Variants in SUFU observed in about 807,000 individuals in gnomAD.
SUFU encodes the protein SUFU negative regulator of hedgehog signaling.
A neutral mutation model predicts 58.9 loss-of-function variants in SUFU; 7 were observed. The ratio of observed to expected loss-of-function variants is 0.12; its 90% CI spans 0.07 to 0.22. The LOEUF (loss-of-function observed/expected upper bound fraction) is 0.22. Ranked by LOEUF, SUFU falls within the 10% of genes least tolerant of loss-of-function variation. The pLI, the probability that SUFU is intolerant of heterozygous loss-of-function variation, is 1.00. For missense variants in SUFU, 451 were observed against 641.3 expected, an observed-to-expected ratio of 0.70 and a Z score of 3.20; for synonymous variants, 232 against 254.8, an observed-to-expected ratio of 0.91 and a Z score of 0.85.
At chr10:102,626,340 G>A (rs1301371724) in intron 10 of SUFU, among the ~76,000 whole-genome samples, 1 of 152,194 alleles carries the variant, frequency 6.6e-6, no homozygotes, top group Non-Finnish European at 1.5e-5. Flanking sequence ...AGAGCCCTTG[G>A]ACGTTGGTAT....
At chr10:102,526,581 G>C (rs548830606) in intron 2 of SUFU, among the ~76,000 whole-genome samples, 1 of 152,148 alleles carries the variant, frequency 6.6e-6, no homozygotes, top group East Asian at 1.9e-4. Flanking sequence ...AAAAAAGCAG[G>C]GATGGTACTC....
chr10:102,606,954 G>T (rs1171226102), intron 8 of SUFU, among the ~76,000 whole-genome samples: 1 of 152,148 alleles, frequency 6.6e-6, no homozygotes, highest in Non-Finnish European at 1.5e-5. Context: ...GTGGGAGCGG[G>T]TTGGAAGGAT....
intron 3 of SUFU, among the ~76,000 whole-genome samples, chr10:102,566,761 T>C (rs1475932332): frequency 1.1e-5 from 1 of 94,680 alleles, no homozygotes; most frequent in Non-Finnish European, 2.1e-5. Flanking sequence ...TGAGACTCTG[T>C]CTCAAAAAAA....
At chr10:102,596,278 A>G (rs1170937860) in intron 6 of SUFU, among the ~76,000 whole-genome samples, 2 of 152,260 alleles carry the variant, frequency 1.3e-5, no homozygotes, top group African/African-American at 4.8e-5. Context: ...TGAGATGCTC[A>G]GTCACAAGCT....
rs903843193 is a variant in SUFU at position 102,577,642 on chromosome 10, C to T, written c.455-14940C>T. Among the ~76,000 whole-genome samples, 5 of 150,360 alleles carry T rather than the reference C, an allele frequency of 3.3e-5. No individual in the cohort carries two copies. In the East Asian group the frequency reaches 1.0e-3, roughly 30 times the overall value. ...GCGTGAGCCACTGCACCCAGCCCTC[C>T]TGGCATTCTTTGGTTGAAATGTATA... On this transcript the variant is annotated intron_variant, in intron 3 of 11. Coordinates refer to ENST00000369902, the MANE Select transcript of SUFU (RefSeq NM_016169.4).
chr10:102,611,089 G>A (rs186704143), intron 8 of SUFU, among the ~76,000 whole-genome samples: 1 of 152,338 alleles, frequency 6.6e-6, no homozygotes, highest in East Asian at 1.9e-4. Context: ...ACTTCTGGAT[G>A]GGACATCAAA....
At chr10:102,512,290 T>G (rs1035914887) in intron 2 of SUFU, among the ~76,000 whole-genome samples, 1 of 152,086 alleles carries the variant, frequency 6.6e-6, no homozygotes, top group Middle Eastern at 3.2e-3. Context: ...ATGTGGGGAG[T>G]AAAGAGACTA....
At chr10:102,613,348 C>CAG (rs1381927039) in intron 8 of SUFU, among the ~76,000 whole-genome samples, 1 of 152,276 alleles carries the variant, frequency 6.6e-6, no homozygotes, top group East Asian at 1.9e-4. Flanking sequence ...AAGGAACAGT[C>CAG]AGATCCAGGA....
At chr10:102,614,817 A>G (rs1008856627) in intron 8 of SUFU, among the ~76,000 whole-genome samples, 56 of 152,106 alleles carry the variant, frequency 3.7e-4, no homozygotes, top group Middle Eastern at 3.4e-3. Context: ...CGGAGGTTGC[A>G]GTGAGCTGAA....
chr10:102,593,809 C>T lies in SUFU; in HGVS notation c.683+88C>T, dbSNP rs866345473. 9.6e-6 allele frequency: 14 copies of T among 1,463,624 alleles called. No individual in the cohort carries two copies. In the East Asian group the frequency reaches 2.1e-4, roughly 22 times the overall value. The allele number at this position is 1,463,624 out of a possible 1,614,324, so 90.7% of individuals were successfully genotyped here. ...ACCCTCCATGTGGGGCTCCCTCTTG[C>T]GTTGTTATTTCAGACCCTGGTTTTT... On this transcript the variant is annotated intron_variant, in intron 5 of 11. Transcript: ENST00000369902.
upstream of SUFU, among the ~76,000 whole-genome samples, chr10:102,502,868 T>C (rs576935568): frequency 6.3e-4 from 96 of 152,336 alleles, no homozygotes; most frequent in African/African-American, 2.2e-3. Flanking sequence ...GCATTTCCAA[T>C]GCGCAGTACC....
intron 10 of SUFU, among the ~76,000 whole-genome samples, chr10:102,620,997 C>G (rs2063735198): frequency 6.6e-6 from 1 of 152,220 alleles, no homozygotes; most frequent in Non-Finnish European, 1.5e-5. Flanking sequence ...CAGCCATTCT[C>G]TGCCAGTCCT....
At chr10:102,588,757 A>C (rs1323283525) in intron 3 of SUFU, among the ~76,000 whole-genome samples, 1 of 152,126 alleles carries the variant, frequency 6.6e-6, no homozygotes, top group African/African-American at 2.4e-5. Context: ...TGAATGTTGG[A>C]TATTTTTCCG....
At chr10:102,615,243 AC>A (rs2135929616) in intron 8 of SUFU, 24 bp from the exon 9 acceptor site, 6 of 1,614,044 alleles carry the variant, frequency 3.7e-6, no homozygotes, top group Non-Finnish European at 5.1e-6. Context: ...CTTGTGCCGA[AC>A]CTTTTCCTGT....
At chr10:102,581,935 G>A (rs1184331621) in intron 3 of SUFU, among the ~76,000 whole-genome samples, 1 of 152,126 alleles carries the variant, frequency 6.6e-6, no homozygotes, top group African/African-American at 2.4e-5. Context: ...ACAGACCTGA[G>A]TCTCCCAGCC....
At chr10:102,565,977 C>T (rs2063085412) in intron 3 of SUFU, among the ~76,000 whole-genome samples, 1 of 152,222 alleles carries the variant, frequency 6.6e-6, no homozygotes, top group African/African-American at 2.4e-5. Flanking sequence ...GTCTCTAGCA[C>T]TTGCAATTCA....
rs554430328 is a variant in SUFU, at chr10:102,565,934, T to C, written c.454+15828T>C. Among the ~76,000 whole-genome samples the C allele has an allele frequency of 5.3e-5, 8 of 152,298 alleles. No homozygotes were observed. The East Asian group carries it at 1.5e-3, about 29-fold the overall frequency. ...CTCTGGACCCCTGTGGAGTTTTAAT[T>C]GGTTGGCTCTTTCAGCGGAATGTGG... On this transcript the variant is annotated intron_variant, in intron 3 of 11. Transcript: ENST00000369902.
At chr10:102,526,628 G>C (rs2062611331) in intron 2 of SUFU, among the ~76,000 whole-genome samples, 1 of 152,182 alleles carries the variant, frequency 6.6e-6, no homozygotes, top group Admixed American at 6.5e-5. Context: ...GTTGAGGTGG[G>C]TGGGGAGGAT....
Position 102,617,816 on chromosome 10 carries a change from G to A in SUFU, c.1296+388G>A, listed in dbSNP as rs2063702656. Reference sequence around the variant, plus strand: ...GATGTGTGGAGGCCACTCTCCAATGGCTACATGGAAATCCCACCAGAATTC... The same window carrying A: ...GATGTGTGGAGGCCACTCTCCAATGACTACATGGAAATCCCACCAGAATTC... On this transcript the variant is annotated intron_variant, in intron 10 of 11. Transcript: ENST00000369902. The surrounding 1 kb of genome is among the most constrained non-coding windows in gnomAD (Gnocchi z 4.4). 2.1e-6 allele frequency: 1 copy of A among 470,848 alleles called. No individual in the cohort carries two copies. Among genetic ancestry groups the A allele is most frequent in the Admixed American group, 3.8e-5 (1 of 26,242 alleles). 29.2% of individuals were successfully genotyped at this position (470,848 alleles called of 1,614,324 possible). A position where few individuals can be genotyped will look rare whatever the true frequency, so the allele number is the denominator to read the frequency against.
Sources: allele counts gnomAD v4.1 joint callset (sites outside exome capture counted in the v4.1 genomes callset), GRCh38; gene constraint gnomAD v4.1.1; non-coding constraint Gnocchi (gnomAD v3.1); transcripts MANE v1.5; gene names NCBI Gene and HGNC (gene_info 2026-07-23, HGNC 2026-07-21).